The following CFAP299 variants were observed in gnomAD, a reference collection of about 807,000 sequenced individuals.
The protein encoded by CFAP299 is cilia- and flagella-associated protein 299.
Under a neutral mutation model 27.0 loss-of-function variants are expected in CFAP299, and 21 were observed. That is an observed-to-expected ratio of 0.78 (90% CI 0.55 to 1.12). The LOEUF is 1.12. Ranked by LOEUF, CFAP299 falls within the 50% of genes most tolerant of loss-of-function variation. CFAP299 has a pLI of 0.00. For synonymous variants in CFAP299, 104 were observed against 98.1 expected (o/e 1.06, Z -0.36); for missense variants, 310 against 276.6 (o/e 1.12, Z -0.86).
chr4:80,882,399 G>A (rs1733746518), intron 4 of CFAP299, among the ~76,000 whole-genome samples: 1 of 152,188 alleles, frequency 6.6e-6, no homozygotes, highest in Admixed American at 6.5e-5. Flanking sequence ...AGCACTTTGG[G>A]AGGCCGAGGC....
intron 4 of CFAP299, chr4:80,872,771 T>G (rs1379332154): frequency 2.9e-5 from 10 of 343,624 alleles, no homozygotes; most frequent in Non-Finnish European, 4.1e-5. Flanking sequence ...TTCTGTGAAG[T>G]ACCTATTAAG....
chr4:80,870,743 A>G (rs78044226), intron 4 of CFAP299: 14,996 of 985,308 alleles, frequency 0.015, 183 homozygotes, highest in Admixed American at 0.062. Context: ...TTACTTAACT[A>G]TAGAACCCCA....
chr4:80,609,169 T>C (rs544643066), intron 3 of CFAP299, among the ~76,000 whole-genome samples: 110 of 152,154 alleles, frequency 7.2e-4, no homozygotes, highest in Non-Finnish European at 1.3e-3. Context: ...TTCAGAAATG[T>C]AAAATGCTTT....
At chr4:80,914,019 T>G (rs1049977582) in intron 4 of CFAP299, among the ~76,000 whole-genome samples, 1 of 152,186 alleles carries the variant, frequency 6.6e-6, no homozygotes, top group African/African-American at 2.4e-5. Flanking sequence ...GTTCTATTTA[T>G]CAGTAGTTTA....
intron 3 of CFAP299, among the ~76,000 whole-genome samples, chr4:80,634,797 C>T (rs1188744152): frequency 6.6e-6 from 1 of 151,994 alleles, no homozygotes. Context: ...TCTTTGAAGA[C>T]ATCTTTATGA....
intron 4 of CFAP299, among the ~76,000 whole-genome samples, chr4:80,895,404 A>G (rs775518187): frequency 1.3e-4 from 20 of 152,048 alleles, no homozygotes; most frequent in Non-Finnish European, 1.3e-4. Flanking sequence ...ATTTGGGTGA[A>G]ATACTTTGTA....
intron 2 of CFAP299, among the ~76,000 whole-genome samples, chr4:80,400,199 A>G (rs901842092): frequency 6.6e-6 from 1 of 152,160 alleles, no homozygotes; most frequent in Non-Finnish European, 1.5e-5. Context: ...TGTATTTTGT[A>G]TATGATATAA....
intron 3 of CFAP299, among the ~76,000 whole-genome samples, chr4:80,594,678 G>T (rs1736968149): frequency 1.3e-5 from 2 of 151,742 alleles, no homozygotes; most frequent in African/African-American, 4.8e-5. Context: ...GTTTTGTTTT[G>T]TTTTGCTTTG....
chr4:80,886,537 T>G (rs761077054), intron 4 of CFAP299, among the ~76,000 whole-genome samples: 2 of 152,190 alleles, frequency 1.3e-5, no homozygotes, highest in Non-Finnish European at 2.9e-5. Context: ...TTTGAGCCTG[T>G]AAAAATCACA....
intron 3 of CFAP299, among the ~76,000 whole-genome samples, chr4:80,830,889 A>G (rs535729123): frequency 2.6e-5 from 4 of 152,268 alleles, no homozygotes; most frequent in African/African-American, 9.6e-5. Context: ...GCTGACTTGT[A>G]AAAAGGCTGA....
intron 3 of CFAP299, among the ~76,000 whole-genome samples, chr4:80,730,709 A>C (rs1723471625): frequency 6.6e-6 from 1 of 152,052 alleles, no homozygotes; most frequent in Non-Finnish European, 1.5e-5. Flanking sequence ...ACTCACAGAA[A>C]CTGTCAGATA....
At chr4:80,574,166 T>G (rs1228541644) in intron 2 of CFAP299, among the ~76,000 whole-genome samples, 1 of 152,100 alleles carries the variant, frequency 6.6e-6, no homozygotes, top group Non-Finnish European at 1.5e-5. Flanking sequence ...ATTGTAGAGA[T>G]CCTTCATTTA....
Position 80,799,821 on chromosome 4 carries a change from T to TCATATAATATAATATATATA in CFAP299, c.334-70172_334-70171insCATATAATATAATATATATA, listed in dbSNP as rs1728250534. 6.7e-4 allele frequency among the ~76,000 whole-genome samples: 15 copies of TCATATAATATAATATATATA among 22,544 alleles called. 2 individuals are homozygous for TCATATAATATAATATATATA. In the African/African-American group the frequency reaches 8.7e-3, roughly 13 times the overall value. The allele number at this position is 22,544 out of a possible 152,430, so 14.8% of individuals were successfully genotyped here. A position where few individuals can be genotyped will look rare whatever the true frequency, so the allele number is the denominator to read the frequency against. On this transcript the variant is annotated intron_variant, in intron 3 of 5. Coordinates refer to ENST00000358105, the MANE Select transcript of CFAP299 (RefSeq NM_152770.3). Reference sequence around the variant, plus strand: ...TTATATAATATATAAATATATATATTATATATATTTATATATTATATTATA... The same window carrying TCATATAATATAATATATATA: ...TTATATAATATATAAATATATATATTCATATAATATAATATATATAATATATATTTATATATTATATTATA...
intron 3 of CFAP299, among the ~76,000 whole-genome samples, chr4:80,854,805 G>T (rs1731732499): frequency 9.3e-6 from 1 of 107,336 alleles, no homozygotes; most frequent in African/African-American, 4.0e-5. Flanking sequence ...CTCAGCTGTT[G>T]CTATGAAAAA....
At chr4:80,374,118 A>G (rs1004511927) in intron 2 of CFAP299, among the ~76,000 whole-genome samples, 1 of 152,162 alleles carries the variant, frequency 6.6e-6, no homozygotes, top group Non-Finnish European at 1.5e-5. Flanking sequence ...AGTTTGCCTC[A>G]TCTTCTGGGG....
At chr4:80,821,474 C>T (rs1729702417) in intron 3 of CFAP299, among the ~76,000 whole-genome samples, 1 of 152,100 alleles carries the variant, frequency 6.6e-6, no homozygotes, top group African/African-American at 2.4e-5. Flanking sequence ...TGCTTCAGAA[C>T]TGAGCAGAAG....
At chr4:80,711,299 G>A (rs544920743) in intron 3 of CFAP299, among the ~76,000 whole-genome samples, 1 of 152,320 alleles carries the variant, frequency 6.6e-6, no homozygotes, top group South Asian at 2.1e-4. Flanking sequence ...GAGAGAGCTA[G>A]TGTGGGTGAG....
intron 3 of CFAP299, among the ~76,000 whole-genome samples, chr4:80,676,866 G>A (rs1028132541): frequency 6.6e-6 from 1 of 151,536 alleles, no homozygotes. Flanking sequence ...TAGTTAGTTT[G>A]TTAATTTTAT....
chr4:80,430,392 T>C (rs1415174581), intron 2 of CFAP299, among the ~76,000 whole-genome samples: 1 of 152,208 alleles, frequency 6.6e-6, no homozygotes, highest in Non-Finnish European at 1.5e-5. Context: ...AGCTTTGGGA[T>C]TTTCCCAAGT....
Sources: gnomAD v4.1 joint callset for allele counts (sites outside exome capture counted in the v4.1 genomes callset) on GRCh38, gnomAD v4.1.1 for gene constraint, MANE v1.5 for transcripts, NCBI Gene and HGNC (gene_info 2026-07-23, HGNC 2026-07-21) for gene names.